The following DRC4 variants were observed in gnomAD, a reference collection of about 807,000 sequenced individuals.
DRC4 encodes GAS-11.
chr16:90,040,193 G>T, the DRC4 span: 1 of 1,086,570 alleles, frequency 9.2e-7, no homozygotes, highest in Non-Finnish European at 1.3e-6. Context: ...GGCACTGTTG[G>T]GAGGCAGCGT....
chr16:90,022,822 C>A, the DRC4 span: 1 of 1,154,178 alleles, frequency 8.7e-7, no homozygotes, highest in Non-Finnish European at 1.1e-6. Flanking sequence ...GAATGGGAGG[C>A]CTGGAGCGCT....
the DRC4 span, chr16:90,028,964 G>C: frequency 1.5e-6 from 2 of 1,304,370 alleles, no homozygotes; most frequent in South Asian, 2.5e-5. Context: ...GTTTAAGCCA[G>C]TGGCTAAGCA....
chr16:90,036,287 G>T, the DRC4 span: 2 of 1,085,122 alleles, frequency 1.8e-6, no homozygotes, highest in Non-Finnish European at 2.7e-6. Context: ...TGACCACAGT[G>T]GGCGTTTTGG....
the DRC4 span, among the ~76,000 whole-genome samples, chr16:90,033,969 C>T: frequency 1.3e-5 from 2 of 151,552 alleles, no homozygotes; most frequent in African/African-American, 2.4e-5. Context: ...AGAGCTTGTC[C>T]GCCTCGAAAG....
At chr16:90,028,875 C>G in the DRC4 span, 1 of 1,138,986 alleles carries the variant, frequency 8.8e-7, no homozygotes, top group Non-Finnish European at 1.2e-6. Context: ...AGTCTCATGA[C>G]CTGAAGTTGG....
chr16:90,022,623 C>A, the DRC4 span: 1 of 1,313,136 alleles, frequency 7.6e-7, no homozygotes. Flanking sequence ...GATCTTGTGA[C>A]TTATCGCGGC....
At chr16:90,035,091 C>T in the DRC4 span, among the ~76,000 whole-genome samples, 4 of 151,886 alleles carry the variant, frequency 2.6e-5, no homozygotes, top group African/African-American at 4.8e-5. Flanking sequence ...TTAGTAGAGA[C>T]GGGGTTTCTC....
the DRC4 span, chr16:90,027,810 G>A: frequency 1.6e-6 from 2 of 1,229,164 alleles, no homozygotes; most frequent in Non-Finnish European, 1.2e-6. Context: ...ATCTTGCCAT[G>A]TGGATCCACC....
the DRC4 span, among the ~76,000 whole-genome samples, chr16:90,027,385 G>T: frequency 2.0e-5 from 3 of 152,166 alleles, no homozygotes; most frequent in East Asian, 5.8e-4. Context: ...ACCACGCCCG[G>T]CTCCTCTCTT....
At chr16:90,026,781 C>T in the DRC4 span, among the ~76,000 whole-genome samples, 2 of 151,350 alleles carry the variant, frequency 1.3e-5, no homozygotes, top group Admixed American at 1.3e-4. Flanking sequence ...CTTCTAGGCT[C>T]AAGTGATTGT....
chr16:90,041,125 C>T, the DRC4 span, among the ~76,000 whole-genome samples: 1 of 152,216 alleles, frequency 6.6e-6, no homozygotes, highest in Admixed American at 6.5e-5. Context: ...CTGCACCCAG[C>T]CTGCTGCTAA....
the DRC4 span, chr16:90,043,845 G>T: frequency 8.6e-6 from 4 of 466,426 alleles, no homozygotes; most frequent in Non-Finnish European, 1.8e-5. Flanking sequence ...AGCCCGCTCT[G>T]TTGAGGGCTG....
chr16:90,042,973 A>C, the DRC4 span: 1 of 552,802 alleles, frequency 1.8e-6, no homozygotes, highest in Admixed American at 3.2e-5. Context: ...CCGTCTCGTC[A>C]TTTGTGGAAT....
chr16:90,022,818 G>A, the DRC4 span: 48 of 1,171,720 alleles, frequency 4.1e-5, no homozygotes, highest in Non-Finnish European at 5.0e-5. Flanking sequence ...CTGGGAATGG[G>A]AGGCCTGGAG....
At chr16:90,022,701 C>A in the DRC4 span, 1 of 1,425,958 alleles carries the variant, frequency 7.0e-7, no homozygotes, top group Non-Finnish European at 9.2e-7. Context: ...GGAGTCGCCG[C>A]TGGGCCTGTC....
At chr16:90,042,456 C>T in the DRC4 span, 4 of 1,612,938 alleles carry the variant, frequency 2.5e-6, no homozygotes, top group East Asian at 6.7e-5. Context: ...CTCCCATCAC[C>T]TCTCTCTCCT....
At chr16:90,021,339 C>A in the DRC4 span, among the ~76,000 whole-genome samples, 22 of 152,320 alleles carry the variant, frequency 1.4e-4, no homozygotes, top group East Asian at 3.9e-3. Flanking sequence ...TTGCCCCCAG[C>A]ACAACTTTCT....
the DRC4 span, chr16:90,029,222 C>T: frequency 2.2e-6 from 3 of 1,365,774 alleles, no homozygotes; most frequent in Non-Finnish European, 2.9e-6. Context: ...ACGGGGCAGG[C>T]CCTTGCACTG....
At chr16:90,042,572 C>G in the DRC4 span, 9 of 1,554,324 alleles carry the variant, frequency 5.8e-6, no homozygotes, top group East Asian at 1.8e-4. Flanking sequence ...GGGGCACCCC[C>G]TCGGTGCCCA....
Sources: allele counts gnomAD v4.1 joint callset (sites outside exome capture counted in the v4.1 genomes callset), GRCh38; gene constraint gnomAD v4.1.1; transcripts MANE v1.5; gene names NCBI Gene and HGNC (gene_info 2026-07-23, HGNC 2026-07-21).